Variants in SDCCAG8 observed in about 807,000 individuals in gnomAD.
The protein encoded by SDCCAG8 is SHH signaling and ciliogenesis regulator SDCCAG8, also known as serologically defined colon cancer antigen 8.
In SDCCAG8, 74 loss-of-function variants were observed where a neutral mutation model predicts 101.8. That is an observed-to-expected ratio of 0.73 (90% confidence interval 0.60 to 0.88). The LOEUF is 0.88. Among genes scored for constraint, SDCCAG8 ranks in the 40% least tolerant of loss-of-function variants. The probability of loss-of-function intolerance (pLI) is 0.00; values close to 1 mark genes in which losing one functional copy is unlikely to be tolerated. For missense variants in SDCCAG8, 787 were observed against 822.6 expected (o/e 0.96, Z 0.53); for synonymous variants, 281 against 292.9 (o/e 0.96, Z 0.41).
chr1:243,473,916 T>TG (rs1207337281), intron 16 of SDCCAG8, among the ~76,000 whole-genome samples: 1 of 5,020 alleles, frequency 2.0e-4, no homozygotes, highest in Non-Finnish European at 3.5e-4. Flanking sequence ...GGAGGAGAGT[T>TG]GCCGGCGGGG....
chr1:243,346,915 T>A (rs2075747394), intron 12 of SDCCAG8, among the ~76,000 whole-genome samples: 1 of 152,206 alleles, frequency 6.6e-6, no homozygotes, highest in African/African-American at 2.4e-5. Context: ...TATGAGGGTA[T>A]AGGGAATATT....
At chr1:243,306,098 A>AAG (rs2072094028) in intron 7 of SDCCAG8, 1 of 153,604 alleles carries the variant, frequency 6.5e-6, no homozygotes, top group Admixed American at 6.6e-5. Flanking sequence ...AAAAAAAAAA[A>AAG]AAAAAAAAAC....
chr1:243,322,575 G>T (rs1225480594), intron 9 of SDCCAG8, among the ~76,000 whole-genome samples: 1 of 152,120 alleles, frequency 6.6e-6, no homozygotes, highest in African/African-American at 2.4e-5. Context: ...TGGTGTTACG[G>T]AATTTCTCCA....
intron 16 of SDCCAG8, among the ~76,000 whole-genome samples, chr1:243,480,595 A>G (rs1294323139): frequency 3.3e-5 from 1 of 30,134 alleles, no homozygotes; most frequent in African/African-American, 1.4e-4. Flanking sequence ...GGATGGGTGG[A>G]TGGGTGGGAT....
At chr1:243,425,485 C>T (rs190559500) in intron 15 of SDCCAG8, among the ~76,000 whole-genome samples, 1 of 152,164 alleles carries the variant, frequency 6.6e-6, no homozygotes, top group African/African-American at 2.4e-5. Context: ...GAAGAAAAGG[C>T]TATCTTGCCT....
At chr1:243,417,885 A>G in intron 14 of SDCCAG8, 83 bp from the exon 15 acceptor site, 1 of 971,874 alleles carries the variant, frequency 1.0e-6, no homozygotes, top group African/African-American at 1.6e-5. Context: ...GGGTCTAAGC[A>G]CTTTACCACT....
At chr1:243,396,263 C>T (rs1490250522) in intron 13 of SDCCAG8, among the ~76,000 whole-genome samples, 38 of 152,050 alleles carry the variant, frequency 2.5e-4, no homozygotes, top group Non-Finnish European at 5.9e-5. Flanking sequence ...ATAATTTTCA[C>T]CTAATTTCTA....
chr1:243,270,397 C>A, intron 2 of SDCCAG8, 140 bp downstream of exon 2: 1 of 960,636 alleles, frequency 1.0e-6, no homozygotes, highest in Non-Finnish European at 1.6e-6. Flanking sequence ...AATTCCCTCG[C>A]TTAATCTTGT....
At chr1:243,298,350 CTTT>C (rs35061154) in intron 6 of SDCCAG8, among the ~76,000 whole-genome samples, 2 of 51,080 alleles carry the variant, frequency 3.9e-5, no homozygotes, top group Admixed American at 3.1e-4. Flanking sequence ...CGCACCCTGC[CTTT>C]TTTTTTTTTT....
At chr1:243,371,205 T>G (rs1205517830) in intron 12 of SDCCAG8, among the ~76,000 whole-genome samples, 2 of 152,258 alleles carry the variant, frequency 1.3e-5, no homozygotes, top group East Asian at 3.9e-4. Context: ...TATGTCACAT[T>G]ATAGGCCAAG....
intron 16 of SDCCAG8, among the ~76,000 whole-genome samples, chr1:243,484,503 G>A (rs1388856904): frequency 1.3e-5 from 2 of 152,196 alleles, no homozygotes; most frequent in Non-Finnish European, 2.9e-5. Flanking sequence ...TAAATAAACA[G>A]TAAGTCTAGT....
chr1:243,394,920 G>GT (rs1183828514), intron 13 of SDCCAG8, among the ~76,000 whole-genome samples: 1 of 151,314 alleles, frequency 6.6e-6, no homozygotes, highest in Non-Finnish European at 1.5e-5. Flanking sequence ...CTTTTTCCTA[G>GT]TTTTTCTGTT....
At chr1:243,307,903 A>G (rs2072318343) in intron 7 of SDCCAG8, 86 bp from the exon 8 acceptor site, 2 of 1,595,848 alleles carry the variant, frequency 1.3e-6, no homozygotes, top group Admixed American at 1.7e-5. Flanking sequence ...CATAAACGAT[A>G]GTAGTAGTTA....
chr1:243,447,244 G>A (rs1287255926), intron 16 of SDCCAG8, among the ~76,000 whole-genome samples: 4 of 64,278 alleles, frequency 6.2e-5, no homozygotes, highest in East Asian at 1.2e-3. Context: ...ACAAGACTTC[G>A]TCTCAAAAAA....
intron 6 of SDCCAG8, among the ~76,000 whole-genome samples, chr1:243,295,186 G>A (rs1369451411): frequency 2.0e-5 from 3 of 152,062 alleles, no homozygotes; most frequent in Non-Finnish European, 4.4e-5. Flanking sequence ...CACAATTTGC[G>A]TCAAACTAAT....
intron 16 of SDCCAG8, among the ~76,000 whole-genome samples, chr1:243,472,225 G>A (rs1005175380): frequency 1.3e-5 from 2 of 152,204 alleles, no homozygotes; most frequent in Non-Finnish European, 1.5e-5. Context: ...TGAGGCTCCA[G>A]GTGTGTCATA....
chr1:243,287,494 A>G (rs1220740015), intron 5 of SDCCAG8, among the ~76,000 whole-genome samples: 1 of 152,002 alleles, frequency 6.6e-6, no homozygotes, highest in Non-Finnish European at 1.5e-5. Context: ...ATTGAGAAGT[A>G]TAGGAGTGTA....
At chr1:243,392,328 G>A (rs952423103) in intron 13 of SDCCAG8, among the ~76,000 whole-genome samples, 1 of 152,156 alleles carries the variant, frequency 6.6e-6, no homozygotes, top group Admixed American at 6.5e-5. Flanking sequence ...GTAATATATT[G>A]TTCTTTCTAC....
intron 16 of SDCCAG8, among the ~76,000 whole-genome samples, chr1:243,485,361 G>A (rs564069732): frequency 3.3e-5 from 5 of 152,280 alleles, no homozygotes; most frequent in South Asian, 2.1e-4. Flanking sequence ...TAATTGTGGC[G>A]CAGTGAGCCC....
Sources: allele counts gnomAD v4.1 joint callset (sites outside exome capture counted in the v4.1 genomes callset), GRCh38; gene constraint gnomAD v4.1.1; transcripts MANE v1.5; gene names NCBI Gene and HGNC (gene_info 2026-07-23, HGNC 2026-07-21).